Variants in DIP2A observed in about 807,000 individuals in gnomAD.
DIP2A encodes the protein DIP2 acetate--CoA ligase A.
Under a neutral mutation model 177.4 loss-of-function variants are expected in DIP2A, and 85 were observed. That is an observed-to-expected ratio of 0.48 (90% CI 0.40 to 0.57). The LOEUF (loss-of-function observed/expected upper bound fraction) is 0.57, where lower values mean the gene tolerates loss of function less well. Ranked by LOEUF, DIP2A falls within the 20% of genes least tolerant of loss-of-function variation. The probability of loss-of-function intolerance (pLI) is 0.00; values close to 1 mark genes in which losing one functional copy is unlikely to be tolerated. For missense variants in DIP2A, 1,791 were observed against 2,100.2 expected (o/e 0.85, Z 2.88); for synonymous variants, 886 against 881.8 (o/e 1.00, Z -0.08).
intron 22 of DIP2A, 31 bp from the exon 23 acceptor site, chr21:46,550,512 G>A (rs772845845): frequency 1.3e-6 from 2 of 1,594,562 alleles, no homozygotes; most frequent in Admixed American, 1.8e-5. Flanking sequence ...CAAGTTGGGG[G>A]CCTGTGCCAA....
At chr21:46,459,247 C>T in intron 1 of DIP2A, 25 bp downstream of exon 1, 2 of 1,508,382 alleles carry the variant, frequency 1.3e-6, no homozygotes, top group South Asian at 1.2e-5. Context: ...GCCCTCAACC[C>T]CCGCGACCCG....
chr21:46,516,586 G>A (rs530222794), intron 8 of DIP2A, among the ~76,000 whole-genome samples: 20 of 143,262 alleles, frequency 1.4e-4, no homozygotes, highest in Non-Finnish European at 2.3e-4. Flanking sequence ...TCCGCCTCCT[G>A]GGTTCACGCC....
In DIP2A at chr21:46,556,501, G is replaced by A; in HGVS notation, c.3498+410G>A. On this transcript the variant is annotated intron_variant, in intron 29 of 37. Transcript: ENST00000417564. The surrounding 1 kb of genome is among the most constrained non-coding windows in gnomAD (Gnocchi z 4.5). Reference sequence around the variant, plus strand: ...GATGGAGACCATCCTGGCCAACGTGGTGAAACCCCGTCTCTACTAAAAATA... The same window carrying A: ...GATGGAGACCATCCTGGCCAACGTGATGAAACCCCGTCTCTACTAAAAATA... 1.6e-6 allele frequency: 1 copy of A among 642,484 alleles called. No individual in the cohort carries two copies. Among genetic ancestry groups the A allele is most frequent in the Admixed American group, 2.9e-5 (1 of 34,404 alleles). 39.8% of individuals were successfully genotyped at this position (642,484 alleles called of 1,614,324 possible). A position where few individuals can be genotyped will look rare whatever the true frequency, so the allele number is the denominator to read the frequency against.
chr21:46,493,526 A>G (rs1325490723), intron 3 of DIP2A, among the ~76,000 whole-genome samples: 1 of 151,412 alleles, frequency 6.6e-6, no homozygotes, highest in Non-Finnish European at 1.5e-5. Flanking sequence ...TATTTAAATG[A>G]TAATTTGGCT....
At chr21:46,541,700 C>A in intron 17 of DIP2A, 56 bp from the exon 18 acceptor site, 1 of 1,609,346 alleles carries the variant, frequency 6.2e-7, no homozygotes. Context: ...GTGGGCCCAC[C>A]TCCCTGGAAT....
At chr21:46,574,308 C>A (rs953555011), downstream of DIP2A, among the ~76,000 whole-genome samples, 1 of 151,786 alleles carries the variant, frequency 6.6e-6, no homozygotes. Flanking sequence ...AACAATGTAC[C>A]AAAACTTATG....
At chr21:46,466,916 A>AG (rs1190379539) in intron 1 of DIP2A, among the ~76,000 whole-genome samples, 1 of 81,750 alleles carries the variant, frequency 1.2e-5, no homozygotes, top group Non-Finnish European at 2.5e-5. Flanking sequence ...ACCTCTTCTT[A>AG]CTAAATGTTT....
chr21:46,556,863 C>A lies in DIP2A; in HGVS notation c.3499-76C>A. 7.6e-7 allele frequency: 1 copy of A among 1,317,540 alleles called. No individual in the cohort carries two copies. The highest frequency in any genetic ancestry group is 1.0e-6 in the Non-Finnish European group (1 of 971,400). The allele number at this position is 1,317,540 out of a possible 1,614,324, so 81.6% of individuals were successfully genotyped here. ...AGCTATGGTCTAGCCATGTGAACAG[C>A]GGACACTGCCATCCACCCTCTCCCC... On this transcript the variant is annotated intron_variant, in intron 29 of 37. Transcript: ENST00000417564. The surrounding 1 kb of genome is among the most constrained non-coding windows in gnomAD (Gnocchi z 4.5).
At chr21:46,546,461 C>G (rs1398588798) in intron 20 of DIP2A, among the ~76,000 whole-genome samples, 2 of 152,244 alleles carry the variant, frequency 1.3e-5, no homozygotes, top group African/African-American at 4.8e-5. Flanking sequence ...AGATGCTGCT[C>G]AGTGTCCAAC....
intron 8 of DIP2A, among the ~76,000 whole-genome samples, chr21:46,528,527 C>CTT (rs1162872343): frequency 3.4e-5 from 1 of 29,408 alleles, no homozygotes; most frequent in African/African-American, 1.6e-4. Context: ...TTTCTGCTTG[C>CTT]TTTTTTTTTT....
chr21:46,467,189 G>C (rs867017937), intron 1 of DIP2A, among the ~76,000 whole-genome samples: 1 of 151,540 alleles, frequency 6.6e-6, no homozygotes, highest in South Asian at 2.1e-4. Context: ...CCAGCTGCTC[G>C]GGAGGCTGAG....
chr21:46,459,214 T>C lies in DIP2A; in HGVS notation c.83T>C (p.Leu28Pro). The change falls in exon 1 of 38, where the codon CTG becomes CCG. Residue 28 changes from leucine (L) to proline (P), a missense_variant. Physicochemically the swap from Leu to Pro is moderately conservative, Grantham distance 98. Coordinates refer to ENST00000417564, the MANE Select transcript of DIP2A (RefSeq NM_015151.4). ...RESLAELELE[L>P]SEGDITQKGY... ...AGCCTGGCTGAGCTGGAGCTGGAGC[T>C]GTCGGAAGGTGAGCCGGACCCCGCC... is the stretch of plus-strand genomic sequence containing the variant. 1 of 1,524,026 alleles carries C rather than the reference T, an allele frequency of 6.6e-7. No individual in the cohort carries two copies. The highest frequency in any genetic ancestry group is 8.8e-7 in the Non-Finnish European group (1 of 1,136,490). 94.4% of individuals were successfully genotyped at this position (1,524,026 alleles called of 1,614,324 possible).
At chr21:46,467,295 CA>C (rs527776306) in intron 1 of DIP2A, among the ~76,000 whole-genome samples, 15,459 of 113,320 alleles carry the variant, frequency 0.14, 931 homozygotes, top group African/African-American at 0.27. Context: ...GACTCCGTCT[CA>C]AAAAAAAAAA....
In DIP2A at chr21:46,490,622, A is replaced by G; in HGVS notation, c.186A>G (p.Ala62=). 1 of 1,577,086 alleles carries G rather than the reference A, an allele frequency of 6.3e-7. No homozygotes were observed. The highest frequency in any genetic ancestry group is 8.6e-7 in the Non-Finnish European group (1 of 1,161,258). The change falls in exon 3 of 38, where the codon GCA becomes GCG. Residue 62 remains alanine, a synonymous_variant. Transcript: ENST00000417564. ...CAGGAATAGACCCATCTCTGCAAGC[A>G]GAGAATAGAATTCCTGGGCCCTCAC... is the stretch of plus-strand genomic sequence containing the variant. ...LIQGIDPSLQ[A]ENRIPGPSQT...
At chr21:46,541,015 C>CAAAA (rs532906368) in intron 17 of DIP2A, among the ~76,000 whole-genome samples, 1 of 71,910 alleles carries the variant, frequency 1.4e-5, no homozygotes, top group African/African-American at 4.3e-5. Context: ...AACTCTGTGT[C>CAAAA]AAAAAAAAAA....
intron 20 of DIP2A, 76 bp from the exon 21 acceptor site, chr21:46,546,839 G>A: frequency 1.3e-6 from 2 of 1,556,934 alleles, no homozygotes; most frequent in Non-Finnish European, 1.7e-6. Flanking sequence ...CCCTTCTTGG[G>A]GGGCCTGACC....
At chr21:46,461,067 G>T (rs927570632) in intron 1 of DIP2A, among the ~76,000 whole-genome samples, 9 of 151,700 alleles carry the variant, frequency 5.9e-5, no homozygotes, top group African/African-American at 2.2e-4. Context: ...AACACTTTGG[G>T]AGGCCACGTT....
chr21:46,543,478 G>A (rs958604768), intron 18 of DIP2A, among the ~76,000 whole-genome samples: 3 of 151,458 alleles, frequency 2.0e-5, no homozygotes, highest in Admixed American at 6.6e-5. Context: ...TGCATGCAGC[G>A]CACCCCCCTC....
At chr21:46,574,586 AAAG>A (rs1048829694), downstream of DIP2A, among the ~76,000 whole-genome samples, 2 of 152,128 alleles carry the variant, frequency 1.3e-5, no homozygotes, top group African/African-American at 4.8e-5. Context: ...ACCAAGAAAA[AAAG>A]AAGACAGATT....
Sources: allele counts gnomAD v4.1 joint callset (sites outside exome capture counted in the v4.1 genomes callset), GRCh38; gene constraint gnomAD v4.1.1; non-coding constraint Gnocchi (gnomAD v3.1); transcripts MANE v1.5; gene names NCBI Gene and HGNC (gene_info 2026-07-23, HGNC 2026-07-21).